The following TRIM34 variants were observed in gnomAD, a reference collection of about 807,000 sequenced individuals.
TRIM34 encodes the protein tripartite motif containing 34.
Under a neutral mutation model 38.1 loss-of-function variants are expected in TRIM34, and 41 were observed. That is an observed-to-expected ratio of 1.08 (90% CI 0.84 to 1.40). TRIM34 has a LOEUF of 1.40. Among genes scored for constraint, TRIM34 ranks in the 40% most tolerant of loss-of-function variants. The pLI, the probability that TRIM34 is intolerant of heterozygous loss-of-function variation, is 0.00. For missense variants in TRIM34, 556 were observed against 571.4 expected, an observed-to-expected ratio of 0.97 and a Z score of 0.27; for synonymous variants, 200 against 202.5, an observed-to-expected ratio of 0.99 and a Z score of 0.10.
chr11:5,629,208 C>G (rs1013586136), intron 1 of TRIM34, among the ~76,000 whole-genome samples: 1 of 151,466 alleles, frequency 6.6e-6, no homozygotes, highest in African/African-American at 2.4e-5. Flanking sequence ...ACCTGGGAGG[C>G]GGGGGTTGCA....
chr11:5,642,734 T>A, intron 6 of TRIM34, 83 bp from the exon 7 acceptor site: 1 of 1,571,830 alleles, frequency 6.4e-7, no homozygotes, highest in Non-Finnish European at 8.7e-7. Flanking sequence ...TCCCTTCCCC[T>A]GTCCCTACTC....
At chr11:5,629,623 G>T (rs1849391280) in intron 1 of TRIM34, among the ~76,000 whole-genome samples, 1 of 152,228 alleles carries the variant, frequency 6.6e-6, no homozygotes, top group South Asian at 2.1e-4. Context: ...CACTCATGCA[G>T]CTTAACTCCA....
Position 5,634,829 on chromosome 11 carries a change from C to A in TRIM34, c.718C>A (p.Arg240=). 6.2e-7 allele frequency: 1 copy of A among 1,613,094 alleles called. No homozygotes were observed. The highest frequency in any genetic ancestry group is 1.1e-5 in the South Asian group (1 of 90,988). The change falls in exon 4 of 8, where the codon CGG becomes AGG. Residue 240 remains arginine (R), a synonymous_variant. Transcript: ENST00000429814. ...AGAGCTCATCTCAGATGTGGAGTGT[C>A]GGAGTCAGTGGTCAACAATGGAGCT... ...VRELISDVEC[R]SQWSTMELLQ...
At position 5,643,158 on chromosome 11, in the gene TRIM34, A is replaced by T. The variant is rs773148877; in HGVS notation, c.916A>T (p.Asn306Tyr). ...TTTTCTTGCAGTGGATGTCACACTG[A>T]ATTCAGTCAACCTAAATTTGAATCT... is the stretch of plus-strand genomic sequence containing the variant. ...VRCYWVDVTL[N>Y]SVNLNLNLVL... The change falls in exon 8 of 8, where the codon AAT becomes TAT. Residue 306 changes from asparagine to tyrosine, a missense_variant. Transcript: ENST00000429814. 4 of 1,543,018 alleles carry T rather than the reference A, an allele frequency of 2.6e-6. No individual in the cohort carries two copies. The Admixed American group carries it at 8.7e-5, about 34-fold the overall frequency.
chr11:5,639,634 C>T lies in TRIM34; in HGVS notation c.751-1533C>T, dbSNP rs905664242. On this transcript the variant is annotated intron_variant, in intron 4 of 7. Transcript: ENST00000429814. The stretch of plus-strand genomic sequence containing the variant: ...GGTGGAGGTTGCAGCGAGCCAAGTT[C>T]GCACCACTGCACTCCAGCCTGGGTG... Among the ~76,000 whole-genome samples the T allele has an allele frequency of 2.9e-5, 4 of 137,382 alleles. No individual in the cohort carries two copies. In the East Asian group the frequency reaches 6.5e-4, roughly 22 times the overall value. The allele number at this position is 137,382 out of a possible 152,430, so 90.1% of individuals were successfully genotyped here.
chr11:5,642,940 C>T, intron 7 of TRIM34, 97 bp downstream of exon 7: 2 of 1,521,438 alleles, frequency 1.3e-6, no homozygotes, highest in Non-Finnish European at 8.9e-7. Context: ...CATGCATTCT[C>T]AGCACCTCCC....
At chr11:5,635,691 G>A (rs774682432) in intron 4 of TRIM34, among the ~76,000 whole-genome samples, 4 of 152,182 alleles carry the variant, frequency 2.6e-5, no homozygotes, top group Non-Finnish European at 5.9e-5. Context: ...GATTTGGAAC[G>A]AAGCAGGAGA....
At chr11:5,624,137 T>C (rs1264331779), upstream of TRIM34, among the ~76,000 whole-genome samples, 1 of 152,222 alleles carries the variant, frequency 6.6e-6, no homozygotes, top group Non-Finnish European at 1.5e-5. Context: ...AAAGCAGCCC[T>C]TTCTGTCCAG....
intron 1 of TRIM34, among the ~76,000 whole-genome samples, chr11:5,630,138 CTA>C (rs1849423815): frequency 6.6e-6 from 1 of 152,004 alleles, no homozygotes; most frequent in South Asian, 2.1e-4. Flanking sequence ...TTCCAGGGCC[CTA>C]CAGAGAATAT....
chr11:5,641,240 G>T (rs1849999067), intron 5 of TRIM34, 51 bp downstream of exon 5: 2 of 1,612,872 alleles, frequency 1.2e-6, no homozygotes, highest in East Asian at 4.5e-5. Context: ...AGAAGTGTTT[G>T]TAGCTATTAG....
Position 5,643,584 on chromosome 11 carries a change from A to C in TRIM34, c.1342A>C (p.Asn448His), listed in dbSNP as rs1308671916. Residue 448 changes from asparagine to histidine, a missense_variant, in exon 8 of 8, where the codon AAT becomes CAT. Asn to His is a moderately conservative substitution (Grantham distance 68). Transcript: ENST00000429814. ...TGAAGCAGGCATTGTCTCATTTTTC[A>C]ATGTCACAAGCCATGGCTCCCTCAT... ...DYEAGIVSFF[N>H]VTSHGSLIYK... The C allele has an allele frequency of 6.2e-7, 1 of 1,613,928 alleles. No individual in the cohort carries two copies. Among genetic ancestry groups the C allele is most frequent in the Admixed American group, 1.7e-5 (1 of 59,994 alleles).
chr11:5,637,703 C>T (rs1394581784), intron 4 of TRIM34, among the ~76,000 whole-genome samples: 1 of 152,148 alleles, frequency 6.6e-6, no homozygotes, highest in Non-Finnish European at 1.5e-5. Flanking sequence ...TTTTCACCAT[C>T]CCAAACTGAA....
chr11:5,636,683 A>G (rs1849748169), intron 4 of TRIM34, among the ~76,000 whole-genome samples: 1 of 152,184 alleles, frequency 6.6e-6, no homozygotes, highest in Non-Finnish European at 1.5e-5. Flanking sequence ...CTTAGTTGCT[A>G]TTTGGTCACT....
chr11:5,628,811 T>C (rs1849356698), intron 1 of TRIM34, among the ~76,000 whole-genome samples: 1 of 151,828 alleles, frequency 6.6e-6, no homozygotes, highest in South Asian at 2.1e-4. Context: ...AGTTGATTTT[T>C]TTTTTTCAGA....
chr11:5,633,530 A>G (rs537211831), intron 2 of TRIM34, among the ~76,000 whole-genome samples: 1 of 152,316 alleles, frequency 6.6e-6, no homozygotes, highest in East Asian at 1.9e-4. Context: ...AAGAGCATTG[A>G]TAAGAGGAAA....
chr11:5,632,981 C>T (rs1211813130), intron 2 of TRIM34, among the ~76,000 whole-genome samples: 11 of 138,420 alleles, frequency 7.9e-5, no homozygotes, highest in South Asian at 2.6e-4. Flanking sequence ...CGCCTGCCAC[C>T]GCGCCTGGCT....
chr11:5,634,919 C>T (rs898624962), intron 4 of TRIM34, 58 bp downstream of exon 4: 40 of 1,555,978 alleles, frequency 2.6e-5, no homozygotes, highest in Admixed American at 2.0e-4. Flanking sequence ...TGTGTCCTTG[C>T]GTTCTCATCC....
intron 1 of TRIM34, among the ~76,000 whole-genome samples, chr11:5,627,271 T>G (rs1262822337): frequency 6.6e-6 from 1 of 151,770 alleles, no homozygotes; most frequent in Admixed American, 6.6e-5. Context: ...TCCCAGCTAC[T>G]CGGGAGGCTG....
At chr11:5,642,593 G>T in intron 6 of TRIM34, 87 bp downstream of exon 6, 1 of 1,499,610 alleles carries the variant, frequency 6.7e-7, no homozygotes, top group African/African-American at 1.4e-5. Context: ...TTAAAATTGA[G>T]GACAGAAGAG....
Sources: allele counts gnomAD v4.1 joint callset (sites outside exome capture counted in the v4.1 genomes callset), GRCh38; gene constraint gnomAD v4.1.1; transcripts MANE v1.5; gene names NCBI Gene and HGNC (gene_info 2026-07-23, HGNC 2026-07-21).